The following ANKRD11 variants were observed in gnomAD, a reference collection of about 807,000 sequenced individuals.
ANKRD11 encodes ankyrin repeat domain 11.
A neutral mutation model predicts 195.7 loss-of-function variants in ANKRD11; 17 were observed. That is an observed-to-expected ratio of 0.09 (90% confidence interval 0.06 to 0.13). The LOEUF is 0.13. ANKRD11 is among the 10% of genes least tolerant of loss of function. The pLI, the probability that ANKRD11 is intolerant of heterozygous loss-of-function variation, is 1.00. For missense variants in ANKRD11, 3,735 were observed against 3,566.1 expected (o/e 1.05, Z -1.21); for synonymous variants, 1,953 against 1,528.1 (o/e 1.28, Z -6.49).
At chr16:89,311,051 T>C (rs2036581532) in intron 3 of ANKRD11, among the ~76,000 whole-genome samples, 1 of 152,236 alleles carries the variant, frequency 6.6e-6, no homozygotes, top group Admixed American at 6.5e-5. Flanking sequence ...CTCTGTCAGG[T>C]TGAGGAAATT....
At chr16:89,374,639 CCCGCGTGCTA>C (rs1190798028) in intron 2 of ANKRD11, among the ~76,000 whole-genome samples, 2 of 152,206 alleles carry the variant, frequency 1.3e-5, no homozygotes, top group Non-Finnish European at 2.9e-5. Flanking sequence ...CGGGCCATCT[CCCGCGTGCTA>C]CGATCAGAGG....
At chr16:89,304,519 T>C (rs992425374) in intron 4 of ANKRD11, among the ~76,000 whole-genome samples, 4 of 140,254 alleles carry the variant, frequency 2.9e-5, no homozygotes, top group Non-Finnish European at 6.2e-5. Flanking sequence ...CAGGCACACA[T>C]ACAGGCACAC....
chr16:89,278,064 T>A (rs1368580075), intron 9 of ANKRD11: 2 of 183,920 alleles, frequency 1.1e-5, no homozygotes, highest in Admixed American at 1.1e-4. Context: ...CACAACACAC[T>A]CAAGCGAGAC....
chr16:89,488,435 C>T (rs890918516), intron 1 of ANKRD11, among the ~76,000 whole-genome samples: 2 of 149,692 alleles, frequency 1.3e-5, no homozygotes, highest in African/African-American at 5.0e-5. Flanking sequence ...CTGAGCAAGA[C>T]ATCCGCCCCC....
intron 3 of ANKRD11, among the ~76,000 whole-genome samples, chr16:89,315,564 G>A (rs1263328843): frequency 6.6e-6 from 1 of 152,242 alleles, no homozygotes; most frequent in Non-Finnish European, 1.5e-5. Context: ...GCTCGGCGGT[G>A]TGGTGCTGAC....
In ANKRD11 at chr16:89,288,863, C is replaced by T. The variant is rs759103256; in HGVS notation, c.602-193G>A. ...CTAAATTCTCTTTACTGTGGCACCT[C>T]GTTAGCACGATCCATATCTAGCTTA... On this transcript the variant is annotated intron_variant, in intron 6 of 12. Transcript: ENST00000301030. 26 of 704,726 alleles carry T rather than the reference C, an allele frequency of 3.7e-5. No individual in the cohort carries two copies. In the African/African-American group the frequency reaches 4.6e-4, roughly 12 times the overall value. The allele number at this position is 704,726 out of a possible 1,614,324, so 43.7% of individuals were successfully genotyped here.
At chr16:89,368,173 ACT>A (rs2040029420) in intron 2 of ANKRD11, among the ~76,000 whole-genome samples, 1 of 149,920 alleles carries the variant, frequency 6.7e-6, no homozygotes, top group African/African-American at 2.5e-5. Context: ...ATTCCAACAT[ACT>A]CTGTCCACTC....
At chr16:89,408,097 A>G (rs1200985951) in intron 2 of ANKRD11, among the ~76,000 whole-genome samples, 1 of 152,130 alleles carries the variant, frequency 6.6e-6, no homozygotes, top group Non-Finnish European at 1.5e-5. Flanking sequence ...CACATGTGTG[A>G]CCACTGGCCA....
chr16:89,358,049 G>C (rs1422828856), intron 2 of ANKRD11, among the ~76,000 whole-genome samples: 1 of 152,194 alleles, frequency 6.6e-6, no homozygotes, highest in Non-Finnish European at 1.5e-5. Context: ...TTACTGCTTT[G>C]AACAATGGAG....
intron 9 of ANKRD11, chr16:89,278,641 T>C (rs1567550465): frequency 2.2e-6 from 1 of 460,880 alleles, no homozygotes; most frequent in South Asian, 1.5e-5. Context: ...GGACTCATCG[T>C]GCAGGTATGG....
intron 1 of ANKRD11, among the ~76,000 whole-genome samples, chr16:89,424,316 C>G (rs2042630903): frequency 6.6e-6 from 1 of 152,086 alleles, no homozygotes. Flanking sequence ...TGGCGCATGC[C>G]TGTAATCCCA....
intron 4 of ANKRD11, chr16:89,300,381 G>A (rs939463289): frequency 2.0e-4 from 40 of 197,324 alleles, no homozygotes; most frequent in South Asian, 8.1e-4. Context: ...ACTGGTCCAC[G>A]GCACACTGCA....
chr16:89,417,554 G>C (rs1327046391), intron 2 of ANKRD11, among the ~76,000 whole-genome samples: 2 of 152,084 alleles, frequency 1.3e-5, no homozygotes, highest in African/African-American at 4.8e-5. Context: ...CCCAGGAGGA[G>C]GCAAGGAGTC....
intron 2 of ANKRD11, among the ~76,000 whole-genome samples, chr16:89,413,873 C>T (rs935832057): frequency 3.3e-5 from 5 of 152,138 alleles, no homozygotes; most frequent in African/African-American, 7.2e-5. Context: ...CAAGGCCAGA[C>T]TGGGGGGAGG....
rs781056489 is a variant in ANKRD11 at position 89,305,344 on chromosome 16, C to T, written c.88G>A (p.Asp30Asn). ...TTGGTTAGAGAAACTTTATCTTTAT[C>T]CTAGAAAAGAAAGGGATGCTTTCAG... is the stretch of plus-strand genomic sequence containing the variant. Reference protein sequence around the residue: ...DMVEKQTGKKDKDKVSLTKTP... With the variant: ...DMVEKQTGKKNKDKVSLTKTP... The change falls in exon 4 of 13, where the codon GAT (aspartate) becomes AAT (asparagine). Residue 30 changes from aspartate (D) to asparagine (N), a missense_variant and splice_region_variant. Coordinates refer to ENST00000301030, the MANE Select transcript of ANKRD11 (RefSeq NM_013275.6). The T allele has an allele frequency of 2.5e-6, 4 of 1,613,960 alleles. No homozygotes were observed. Among genetic ancestry groups the T allele is most frequent in the East Asian group, 2.2e-5 (1 of 44,888 alleles).
chr16:89,338,087 A>T (rs577082444), intron 2 of ANKRD11, among the ~76,000 whole-genome samples: 1 of 152,256 alleles, frequency 6.6e-6, no homozygotes, highest in African/African-American at 2.4e-5. Flanking sequence ...CAGGAGCCCC[A>T]GGGGCCCCCA....
Position 89,284,077 on chromosome 16 carries a change from T to C in ANKRD11, c.2465A>G (p.Gln822Arg). The C allele has an allele frequency of 6.2e-7, 1 of 1,614,146 alleles. No homozygotes were observed. The highest frequency in any genetic ancestry group is 8.5e-7 in the Non-Finnish European group (1 of 1,180,002). ...TTTGGTGTCTTCATTCTCCAGAAACTGATTTTTGTTACAATATTCGTCAAA... is the reference window on the plus strand; with the variant it reads ...TTTGGTGTCTTCATTCTCCAGAAACCGATTTTTGTTACAATATTCGTCAAA... ...SAFDEYCNKN[Q>R]FLENEDTKFS... The change falls in exon 9 of 13, where the codon CAG becomes CGG. Residue 822 changes from glutamine to arginine, a missense_variant. Physicochemically the swap from Gln to Arg is conservative, Grantham distance 43. Coordinates refer to ENST00000301030, the MANE Select transcript of ANKRD11 (RefSeq NM_013275.6).
Position 89,283,763 on chromosome 16 carries a change from G to A in ANKRD11, c.2779C>T (p.His927Tyr). The A allele has an allele frequency of 1.2e-6, 2 of 1,613,480 alleles. No homozygotes were observed. The highest frequency in any genetic ancestry group is 1.7e-5 in the Admixed American group (1 of 59,918). Residue 927 changes from histidine (H) to tyrosine (Y), a missense_variant, in exon 9 of 13, where the codon CAT becomes TAT. His to Tyr is a moderately conservative substitution (Grantham distance 83). Transcript: ENST00000301030. The surrounding 1 kb of genome is among the most constrained non-coding windows in gnomAD (Gnocchi z 4.3). ...SEKRKEQTEK[H>Y]KSVPGYLSEK... The stretch of plus-strand genomic sequence containing the variant: ...GAAAGGTAGCCAGGGACACTTTTAT[G>A]CTTTTCGGTCTGCTCTTTCCTCTTC...
intron 2 of ANKRD11, among the ~76,000 whole-genome samples, chr16:89,381,001 C>G (rs2040619873): frequency 6.6e-6 from 1 of 152,154 alleles, no homozygotes; most frequent in Non-Finnish European, 1.5e-5. Context: ...AGCCCCTGAG[C>G]ACACGGTAAA....
Sources: gnomAD v4.1 joint callset for allele counts (sites outside exome capture counted in the v4.1 genomes callset) on GRCh38, gnomAD v4.1.1 for gene constraint, Gnocchi (gnomAD v3.1) non-coding constraint, MANE v1.5 for transcripts, NCBI Gene and HGNC (gene_info 2026-07-23, HGNC 2026-07-21) for gene names.